PCMTD1: variants seen among roughly 807,000 people sequenced by gnomAD.
PCMTD1 encodes the protein protein-L-isoaspartate (D-aspartate) O-methyltransferase domain containing 1, also known as protein-L-isoaspartate O-methyltransferase domain-containing protein 1.
Under a neutral mutation model 37.6 loss-of-function variants are expected in PCMTD1, and 12 were observed. The ratio of observed to expected loss-of-function variants is 0.32; its 90% confidence interval spans 0.20 to 0.52. PCMTD1 has a LOEUF of 0.52. Among genes scored for constraint, PCMTD1 ranks in the 20% least tolerant of loss-of-function variants. The pLI is 0.97. For missense variants in PCMTD1, 235 were observed against 421.3 expected (o/e 0.56, Z 3.87); for synonymous variants, 117 against 135.8 (o/e 0.86, Z 0.96).
chr8:51,843,631 T>C (rs1482469138), intron 3 of PCMTD1, among the ~76,000 whole-genome samples: 1 of 151,588 alleles, frequency 6.6e-6, no homozygotes, highest in Non-Finnish European at 1.5e-5. Context: ...TTTTTAAAAA[T>C]TGAGATACTT....
At chr8:51,828,543 G>A (rs993520158) in intron 5 of PCMTD1, among the ~76,000 whole-genome samples, 1 of 152,192 alleles carries the variant, frequency 6.6e-6, no homozygotes, top group Admixed American at 6.6e-5. Context: ...TATGTCTCAT[G>A]ATGGGGTTCT....
intron 2 of PCMTD1, among the ~76,000 whole-genome samples, chr8:51,851,944 CT>C (rs1355797905): frequency 1.3e-5 from 2 of 152,324 alleles, no homozygotes; most frequent in Non-Finnish European, 2.9e-5. Context: ...GACACCACCC[CT>C]AGCCTCAAAT....
upstream of PCMTD1, chr8:51,899,073 AGAGCCTCCCGGACTCCG>A (rs1388444119): frequency 1.3e-6 from 2 of 1,498,938 alleles, no homozygotes; most frequent in Non-Finnish European, 1.8e-6. Flanking sequence ...TGGAGCAGCC[AGAGCCTCCCGGACTCCG>A]GAGCCGCCGG....
intron 1 of PCMTD1, among the ~76,000 whole-genome samples, chr8:51,882,552 G>A (rs989704600): frequency 1.2e-4 from 18 of 151,886 alleles, no homozygotes; most frequent in African/African-American, 4.4e-4. Flanking sequence ...TCAAAGTAAG[G>A]GTCTATATGC....
chr8:51,833,779 T>C, intron 3 of PCMTD1, 90 bp from the exon 4 acceptor site: 2 of 872,722 alleles, frequency 2.3e-6, no homozygotes, highest in East Asian at 5.3e-5. Flanking sequence ...AATAATGACG[T>C]TACCCAAATT....
chr8:51,839,330 T>C, intron 3 of PCMTD1: 1 of 384,882 alleles, frequency 2.6e-6, no homozygotes, highest in Non-Finnish European at 3.6e-6. Context: ...GTAATTGACA[T>C]ACTCTTAATA....
intron 3 of PCMTD1, among the ~76,000 whole-genome samples, chr8:51,837,905 G>T (rs574959533): frequency 6.6e-6 from 1 of 151,806 alleles, no homozygotes; most frequent in African/African-American, 2.4e-5. Flanking sequence ...TCAGCCTCCC[G>T]AGTAGCTGGG....
In PCMTD1 at chr8:51,877,965, G is replaced by A. The variant is rs114070773; in HGVS notation, c.-95-16719C>T. Reference sequence around the variant, plus strand: ...TACTCCAAATGGTGCAGAAAACTCTGTGTGTGTGTAATAAAGCAAATGCAT... The same window carrying A: ...TACTCCAAATGGTGCAGAAAACTCTATGTGTGTGTAATAAAGCAAATGCAT... On this transcript the variant is annotated intron_variant, in intron 1 of 5. Transcript: ENST00000522514. Among the ~76,000 whole-genome samples, 135 of 152,188 alleles carry A rather than the reference G, an allele frequency of 8.9e-4. 1 individual carries two copies. The highest frequency in any genetic ancestry group is 3.1e-3 in the African/African-American group (130 of 41,526).
rs1563332158 is a variant in PCMTD1 at position 51,820,331 on chromosome 8, A to C, written c.*20T>G. 6.5e-6 allele frequency: 10 copies of C among 1,528,354 alleles called. No homozygotes were observed. In the South Asian group the frequency reaches 1.3e-4, roughly 20 times the overall value. 94.7% of individuals were successfully genotyped at this position (1,528,354 alleles called of 1,614,324 possible). A position where few individuals can be genotyped will look rare whatever the true frequency, so the allele number is the denominator to read the frequency against. On this transcript the variant is annotated 3_prime_UTR_variant, in exon 6 of 6. Transcript: ENST00000522514. ...AAGACTAAAGGAATTATCAGTAGGC[A>C]TTTTTCTTCTTGATCTAAGTTATTT...
rs1252890639 is a variant in PCMTD1, at chr8:51,845,780, A to G, written c.308-17T>C. On this transcript the variant is annotated splice_polypyrimidine_tract_variant and intron_variant, in intron 2 of 5. Transcript: ENST00000522514. ...CAAAAGGACCTGCAATCGTAGCAGCATTTTTATAAAAAATATTAATAATAT... is the reference window on the plus strand; with the variant it reads ...CAAAAGGACCTGCAATCGTAGCAGCGTTTTTATAAAAAATATTAATAATAT... The G allele has an allele frequency of 1.3e-6, 2 of 1,570,626 alleles. No homozygotes were observed. Among genetic ancestry groups the G allele is most frequent in the South Asian group, 2.2e-5 (2 of 89,792 alleles).
chr8:51,839,219 A>G (rs2038111077), intron 3 of PCMTD1, among the ~76,000 whole-genome samples: 1 of 152,210 alleles, frequency 6.6e-6, no homozygotes, highest in African/African-American at 2.4e-5. Context: ...AAATGTGTAT[A>G]ATAACCACAA....
intron 1 of PCMTD1, 39 bp downstream of exon 1, chr8:51,898,891 C>G: frequency 7.8e-7 from 1 of 1,277,256 alleles, no homozygotes; most frequent in Non-Finnish European, 9.9e-7. Flanking sequence ...GGGACTCGCA[C>G]ACCCCACGAC....
intron 1 of PCMTD1, among the ~76,000 whole-genome samples, chr8:51,893,800 C>G (rs1006822156): frequency 3.9e-5 from 6 of 152,128 alleles, no homozygotes; most frequent in African/African-American, 1.4e-4. Flanking sequence ...AAAACTCAAA[C>G]AAGCTAGTGT....
At chr8:51,897,189 A>T (rs1475352618) in intron 1 of PCMTD1, among the ~76,000 whole-genome samples, 1 of 152,220 alleles carries the variant, frequency 6.6e-6, no homozygotes, top group Admixed American at 6.5e-5. Flanking sequence ...AACACAGTAC[A>T]TTTTTAATAA....
At chr8:51,823,305 A>C (rs1171668269) in intron 5 of PCMTD1, among the ~76,000 whole-genome samples, 3 of 152,156 alleles carry the variant, frequency 2.0e-5, no homozygotes, top group African/African-American at 7.2e-5. Flanking sequence ...CTCTACAAAA[A>C]AGAGAAAAAT....
intron 1 of PCMTD1, among the ~76,000 whole-genome samples, chr8:51,897,857 TGA>T (rs1422715940): frequency 1.3e-5 from 2 of 152,190 alleles, no homozygotes; most frequent in African/African-American, 4.8e-5. Flanking sequence ...GGAATATCCA[TGA>T]TGCATTGTTG....
intron 1 of PCMTD1, among the ~76,000 whole-genome samples, chr8:51,867,977 T>C (rs2038582983): frequency 1.3e-5 from 2 of 152,176 alleles, no homozygotes; most frequent in African/African-American, 2.4e-5. Context: ...AAACTGTAAA[T>C]TGTAGATGTT....
chr8:51,828,111 G>A (rs569101955), intron 5 of PCMTD1, among the ~76,000 whole-genome samples: 15 of 152,260 alleles, frequency 9.9e-5, no homozygotes, highest in Non-Finnish European at 1.3e-4. Context: ...GATTTTAACA[G>A]TGTCAGTTAC....
At chr8:51,899,182 C>T (rs998381020), upstream of PCMTD1, 1 of 1,268,980 alleles carries the variant, frequency 7.9e-7, no homozygotes, top group African/African-American at 1.6e-5. Flanking sequence ...GAGACGCCCC[C>T]ATCTGGCCCC....
Sources: allele counts gnomAD v4.1 joint callset (sites outside exome capture counted in the v4.1 genomes callset), GRCh38; gene constraint gnomAD v4.1.1; transcripts MANE v1.5; gene names NCBI Gene and HGNC (gene_info 2026-07-23, HGNC 2026-07-21).